PITPNM3: variants seen among roughly 807,000 people sequenced by gnomAD.
PITPNM3 encodes PITPNM family member 3.
PITPNM3 carries 26 observed loss-of-function variants against 102.0 expected under a neutral mutation model. That is an observed-to-expected ratio of 0.25 (90% CI 0.19 to 0.35). PITPNM3 has a LOEUF of 0.35. Ranked by LOEUF, PITPNM3 falls within the 10% of genes least tolerant of loss-of-function variation. The probability of loss-of-function intolerance (pLI) is 1.00; values close to 1 mark genes in which losing one functional copy is unlikely to be tolerated. For synonymous variants in PITPNM3, 578 were observed against 558.6 expected, an observed-to-expected ratio of 1.03 and a Z score of -0.49; for missense variants, 1,083 against 1,346.1, an observed-to-expected ratio of 0.80 and a Z score of 3.06.
At chr17:6,474,224 GA>G (rs1905192448) in intron 10 of PITPNM3, among the ~76,000 whole-genome samples, 1 of 151,996 alleles carries the variant, frequency 6.6e-6, no homozygotes, top group Admixed American at 6.5e-5. Context: ...AAATCCATCT[GA>G]AGCTGCCTCA....
In PITPNM3 at chr17:6,474,049, C is replaced by T. The variant is rs7224893; in HGVS notation, c.1258+383G>A. Among the ~76,000 whole-genome samples the T allele has an allele frequency of 5.0e-3, 746 of 149,666 alleles. 4 individuals carry two copies. Among genetic ancestry groups the T allele is most frequent in the African/African-American group, 0.018 (709 of 40,486 alleles). On this transcript the variant is annotated intron_variant, in intron 10 of 19. Coordinates refer to ENST00000262483, the MANE Select transcript of PITPNM3 (RefSeq NM_031220.4). Reference sequence around the variant, plus strand: ...CACCTGAGGTGGGCTTGGGGATATGCGGGGGTGGGTGGTGAGACCAACCTG... The same window carrying T: ...CACCTGAGGTGGGCTTGGGGATATGTGGGGGTGGGTGGTGAGACCAACCTG...
chr17:6,553,805 G>C (rs1212109542), intron 1 of PITPNM3, among the ~76,000 whole-genome samples: 1 of 151,664 alleles, frequency 6.6e-6, no homozygotes, highest in South Asian at 2.1e-4. Flanking sequence ...CTGCCCATCC[G>C]AGGCAGGTGG....
In PITPNM3 at chr17:6,455,196, C is replaced by T; in HGVS notation, c.*142G>A. The T allele has an allele frequency of 1.7e-6, 2 of 1,158,928 alleles. No individual in the cohort carries two copies. The highest frequency in any genetic ancestry group is 2.9e-4 in the Middle Eastern group (1 of 3,396). 71.8% of individuals were successfully genotyped at this position (1,158,928 alleles called of 1,614,324 possible). A position where few individuals can be genotyped will look rare whatever the true frequency, so the allele number is the denominator to read the frequency against. On this transcript the variant is annotated 3_prime_UTR_variant, in exon 20 of 20. Transcript: ENST00000262483. ...CCCCGGGCTCGGGCAGGATCCCTCCCCGCTCTGGTCGGACACTGCTGGACA... is the reference window on the plus strand; with the variant it reads ...CCCCGGGCTCGGGCAGGATCCCTCCTCGCTCTGGTCGGACACTGCTGGACA...
intron 1 of PITPNM3, among the ~76,000 whole-genome samples, chr17:6,546,019 CCT>C (rs1398798303): frequency 6.6e-6 from 1 of 152,236 alleles, no homozygotes; most frequent in Admixed American, 6.5e-5. Flanking sequence ...CCTCAGGCTT[CCT>C]CTCTGGATCA....
chr17:6,554,871 C>T (rs1910517357), intron 1 of PITPNM3, among the ~76,000 whole-genome samples: 1 of 152,220 alleles, frequency 6.6e-6, no homozygotes, highest in Admixed American at 6.5e-5. Context: ...CAGTAAAGAG[C>T]TTAGCACTCT....
intron 3 of PITPNM3, among the ~76,000 whole-genome samples, chr17:6,518,492 A>G (rs147590424): frequency 5.5e-4 from 83 of 152,256 alleles, no homozygotes; most frequent in African/African-American, 1.9e-3. Context: ...CCTCCCTTGG[A>G]AGGGAACAGT....
chr17:6,471,896 C>A (rs574312949), intron 11 of PITPNM3, among the ~76,000 whole-genome samples: 2 of 152,256 alleles, frequency 1.3e-5, no homozygotes, highest in African/African-American at 2.4e-5. Context: ...AAGCTCCAGG[C>A]AGGCAGGGAT....
intron 18 of PITPNM3, among the ~76,000 whole-genome samples, chr17:6,460,290 G>C (rs191910155): frequency 2.0e-4 from 31 of 152,276 alleles, no homozygotes; most frequent in African/African-American, 6.5e-4. Flanking sequence ...CATGCTTCAA[G>C]ACTCAGCTCA....
At chr17:6,487,748 G>T (rs2150587136) in intron 4 of PITPNM3, among the ~76,000 whole-genome samples, 1 of 152,322 alleles carries the variant, frequency 6.6e-6, no homozygotes, top group South Asian at 2.1e-4. Flanking sequence ...TCTGGAGCCA[G>T]CTCCCTCGCG....
rs74469650 is a variant in PITPNM3, at chr17:6,458,643, C to A, written c.2491-921G>T. On this transcript the variant is annotated intron_variant, in intron 18 of 19. Transcript: ENST00000262483. This position sits in a 1 kb window ranked among gnomAD's most constrained non-coding sequence, Gnocchi z 5.1. ...TCCCCACCACTTCTCCGCCAGCCCC[C>A]ACCTGGCTGCTCTCAGCCTTACTGA... Among the ~76,000 whole-genome samples the A allele has an allele frequency of 0.042, 6,454 of 152,238 alleles. 451 individuals carry two copies. Among genetic ancestry groups the A allele is most frequent in the African/African-American group, 0.15 (6,050 of 41,492 alleles).
chr17:6,485,596 G>A (rs1468685647), intron 4 of PITPNM3, among the ~76,000 whole-genome samples: 1 of 152,146 alleles, frequency 6.6e-6, no homozygotes, highest in Non-Finnish European at 1.5e-5. Flanking sequence ...TTGAATTACG[G>A]GACCACTTTC....
chr17:6,496,394 C>T (rs1275276858), intron 4 of PITPNM3, among the ~76,000 whole-genome samples: 1 of 152,118 alleles, frequency 6.6e-6, no homozygotes, highest in African/African-American at 2.4e-5. Flanking sequence ...TTTCGCACAT[C>T]CCCTTTCCCT....
chr17:6,464,447 C>A (rs1453563391), intron 15 of PITPNM3, 129 bp from the exon 16 acceptor site: 1 of 1,147,552 alleles, frequency 8.7e-7, no homozygotes, highest in Non-Finnish European at 1.3e-6. Context: ...CAGCCTGGCT[C>A]CTCATTTGTC....
chr17:6,455,229 G>T lies in PITPNM3; in HGVS notation c.*109C>A. The T allele has an allele frequency of 7.4e-7, 1 of 1,351,088 alleles. No individual in the cohort carries two copies. Among genetic ancestry groups the T allele is most frequent in the Non-Finnish European group, 9.9e-7 (1 of 1,011,512 alleles). The allele number at this position is 1,351,088 out of a possible 1,614,324, so 83.7% of individuals were successfully genotyped here. A position where few individuals can be genotyped will look rare whatever the true frequency, so the allele number is the denominator to read the frequency against. On this transcript the variant is annotated 3_prime_UTR_variant, in exon 20 of 20. Coordinates refer to ENST00000262483, the MANE Select transcript of PITPNM3 (RefSeq NM_031220.4). ...GTCGGACACTGCTGGACAGACACGG[G>T]AGGGAAAAAGCAGGAAAACGCCTGT...
chr17:6,464,920 T>C, intron 14 of PITPNM3, 149 bp from the exon 15 acceptor site: 1 of 806,426 alleles, frequency 1.2e-6, no homozygotes, highest in South Asian at 1.5e-5. Flanking sequence ...CAGAGATGTG[T>C]TCCCAGGGAA....
chr17:6,460,173 G>A (rs1280409820), intron 18 of PITPNM3, among the ~76,000 whole-genome samples: 1 of 152,154 alleles, frequency 6.6e-6, no homozygotes, highest in Non-Finnish European at 1.5e-5. Flanking sequence ...GCTCCCACTT[G>A]TCCTGGGTTT....
intron 1 of PITPNM3, 35 bp from the exon 2 acceptor site, chr17:6,538,117 A>G (rs758605238): frequency 6.6e-7 from 1 of 1,515,962 alleles, no homozygotes; most frequent in Non-Finnish European, 9.2e-7. Context: ...ACCAAGCCTG[A>G]GATGTTGTCC....
At chr17:6,491,180 T>A (rs1434435638) in intron 4 of PITPNM3, among the ~76,000 whole-genome samples, 1 of 150,762 alleles carries the variant, frequency 6.6e-6, no homozygotes, top group Non-Finnish European at 1.5e-5. Flanking sequence ...ACCAGCTCGC[T>A]AACCCTGCAT....
chr17:6,455,822 G>T (rs1914090944), intron 19 of PITPNM3, among the ~76,000 whole-genome samples, 179 bp from the exon 20 acceptor site: 2 of 144,064 alleles, frequency 1.4e-5, no homozygotes, highest in South Asian at 4.5e-4. Context: ...GGTGGGGCAG[G>T]CCCCTTATCC....
Sources: allele counts gnomAD v4.1 joint callset (sites outside exome capture counted in the v4.1 genomes callset), GRCh38; gene constraint gnomAD v4.1.1; non-coding constraint Gnocchi (gnomAD v3.1); transcripts MANE v1.5; gene names NCBI Gene and HGNC (gene_info 2026-07-23, HGNC 2026-07-21).